Variants in LINGO2 observed in about 807,000 individuals in gnomAD.
LINGO2 encodes the protein leucine rich repeat and Ig domain containing 2.
In LINGO2, 14 loss-of-function variants were observed where a neutral mutation model predicts 30.6. The ratio of observed to expected loss-of-function variants is 0.46; its 90% CI spans 0.30 to 0.72. The LOEUF is 0.72. Among genes scored for constraint, LINGO2 ranks in the 30% least tolerant of loss-of-function variants. The pLI is 0.07. For missense variants in LINGO2, 729 were observed against 751.7 expected (o/e 0.97, Z 0.35); for synonymous variants, 317 against 288.5 (o/e 1.10, Z -1.00).
the LINGO2 span, chr9:27,941,826 T>A: frequency 6.6e-6 from 1 of 152,308 alleles, no homozygotes; most frequent in Admixed American, 6.5e-5. Context: ...TTCAATTTGC[T>A]TGAAGACTAA....
intron 1 of LINGO2, among the ~76,000 whole-genome samples, chr9:28,606,264 A>G (rs1825690338): frequency 6.6e-6 from 1 of 151,998 alleles, no homozygotes; most frequent in Non-Finnish European, 1.5e-5. Flanking sequence ...GGGCACATCT[A>G]AAACAGCTAC....
intron 4 of LINGO2, among the ~76,000 whole-genome samples, chr9:28,024,110 C>A (rs1233430373): frequency 1.3e-5 from 2 of 152,172 alleles, no homozygotes; most frequent in Non-Finnish European, 2.9e-5. Flanking sequence ...ACAGGAGTGA[C>A]CACTTCCAAG....
chr9:28,485,435 T>C (rs1826132538), intron 1 of LINGO2, among the ~76,000 whole-genome samples: 3 of 152,082 alleles, frequency 2.0e-5, no homozygotes, highest in African/African-American at 7.2e-5. Flanking sequence ...TATGCTACAA[T>C]TTAAAGTGTA....
the LINGO2 span, among the ~76,000 whole-genome samples, chr9:28,951,684 G>C: frequency 6.6e-6 from 1 of 152,040 alleles, no homozygotes; most frequent in African/African-American, 2.4e-5. Flanking sequence ...GTGATATAGA[G>C]ATCTACGAAG....
chr9:28,667,752 CA>C (rs1159500231), intron 1 of LINGO2, among the ~76,000 whole-genome samples: 2 of 152,004 alleles, frequency 1.3e-5, no homozygotes, highest in Non-Finnish European at 2.9e-5. Context: ...AAAACAAAAA[CA>C]AAAACAAAAA....
chr9:28,643,739 A>G (rs927911276), intron 1 of LINGO2, among the ~76,000 whole-genome samples: 1 of 152,042 alleles, frequency 6.6e-6, no homozygotes, highest in Non-Finnish European at 1.5e-5. Flanking sequence ...TCAATGCAGT[A>G]AAGAGACAAC....
chr9:28,622,902 T>C lies in LINGO2; in HGVS notation c.-365+47298A>G, dbSNP rs575511950. Among the ~76,000 whole-genome samples the C allele has an allele frequency of 2.3e-3, 350 of 152,160 alleles. 2 individuals are homozygous for C. Among genetic ancestry groups the C allele is most frequent in the African/African-American group, 8.1e-3 (338 of 41,538 alleles). On this transcript the variant is annotated intron_variant, in intron 1 of 5. Coordinates refer to ENST00000379992, the Ensembl canonical transcript of LINGO2. ...CCATTTTAACTGGGGTGAGATGATA[T>C]CTCATTGCAGTATTGATTTGTATTT... is the stretch of plus-strand genomic sequence containing the variant.
the LINGO2 span, among the ~76,000 whole-genome samples, chr9:29,015,429 C>G: frequency 6.6e-6 from 1 of 152,144 alleles, no homozygotes; most frequent in Non-Finnish European, 1.5e-5. Flanking sequence ...ACAATAAATG[C>G]TTTAAGCTTA....
At chr9:28,478,746 C>A (rs1282455182) in intron 1 of LINGO2, among the ~76,000 whole-genome samples, 1 of 152,020 alleles carries the variant, frequency 6.6e-6, no homozygotes, top group Non-Finnish European at 1.5e-5. Context: ...TACTTCTTCT[C>A]TTACTTACTT....
chr9:28,039,886 A>ACC (rs563971632), intron 4 of LINGO2, among the ~76,000 whole-genome samples: 2 of 151,982 alleles, frequency 1.3e-5, no homozygotes, highest in South Asian at 2.1e-4. Context: ...TCTCTGACCC[A>ACC]CCCCCTTGTG....
chr9:29,200,956 G>A, the LINGO2 span, among the ~76,000 whole-genome samples: 1 of 151,860 alleles, frequency 6.6e-6, no homozygotes, highest in Non-Finnish European at 1.5e-5. Context: ...TTTCTGGGAG[G>A]AAGACCACAG....
intron 1 of LINGO2, among the ~76,000 whole-genome samples, chr9:28,603,146 T>C (rs1587944189): frequency 6.6e-6 from 1 of 152,070 alleles, no homozygotes; most frequent in Non-Finnish European, 1.5e-5. Context: ...ATGACATGTG[T>C]TTTGATAATC....
chr9:29,119,604 G>C, the LINGO2 span, among the ~76,000 whole-genome samples: 1 of 89,414 alleles, frequency 1.1e-5, no homozygotes, highest in Admixed American at 1.4e-4. Context: ...TTTTTTTTTG[G>C]AGACAGAGTT....
chr9:28,970,438 C>T, the LINGO2 span, among the ~76,000 whole-genome samples: 1 of 152,202 alleles, frequency 6.6e-6, no homozygotes, highest in African/African-American at 2.4e-5. Context: ...CAGGTGAGCA[C>T]TCACACTACC....
At chr9:28,595,813 T>A (rs1219441223) in intron 1 of LINGO2, among the ~76,000 whole-genome samples, 1 of 152,164 alleles carries the variant, frequency 6.6e-6, no homozygotes, top group Non-Finnish European at 1.5e-5. Context: ...TGCCTGTGCA[T>A]CTGTTTTCAT....
At chr9:28,490,900 A>G (rs563699419) in intron 1 of LINGO2, among the ~76,000 whole-genome samples, 303 of 152,344 alleles carry the variant, frequency 2.0e-3, no homozygotes, top group Non-Finnish European at 3.7e-3. Context: ...CAAAGGGTGT[A>G]TGTAAAAGAT....
intron 1 of LINGO2, among the ~76,000 whole-genome samples, chr9:28,511,941 G>A (rs112370253): frequency 0.056 from 8,446 of 152,178 alleles, 325 homozygotes; most frequent in Non-Finnish European, 0.081. Flanking sequence ...ATGAAAAACC[G>A]TCTGTGAACC....
At chr9:28,741,756 G>A in the LINGO2 span, among the ~76,000 whole-genome samples, 1 of 151,852 alleles carries the variant, frequency 6.6e-6, no homozygotes, top group Non-Finnish European at 1.5e-5. Flanking sequence ...GCCTGATCCT[G>A]AGGCCTGTAT....
At chr9:28,907,319 G>A in the LINGO2 span, among the ~76,000 whole-genome samples, 1 of 151,928 alleles carries the variant, frequency 6.6e-6, no homozygotes, top group Admixed American at 6.6e-5. Flanking sequence ...GTGTGGCTAA[G>A]CATAGTAACA....
Sources: allele counts gnomAD v4.1 joint callset (sites outside exome capture counted in the v4.1 genomes callset), GRCh38; gene constraint gnomAD v4.1.1; transcripts MANE v1.5; gene names NCBI Gene and HGNC (gene_info 2026-07-23, HGNC 2026-07-21).